Variants in COL4A2 observed in about 807,000 individuals in gnomAD.
COL4A2 encodes collagen type IV alpha 2 chain.
A neutral mutation model predicts 200.2 loss-of-function variants in COL4A2; 99 were observed. The observed-to-expected ratio is 0.49, with a 90% confidence interval of 0.42 to 0.58. The LOEUF is 0.58. COL4A2 is among the 20% of genes least tolerant of loss of function. The pLI, the probability that COL4A2 is intolerant of heterozygous loss-of-function variation, is 0.00. For synonymous variants in COL4A2, 897 were observed against 900.6 expected (o/e 1.00, Z 0.07); for missense variants, 1,950 against 2,314.1 (o/e 0.84, Z 3.23).
chr13:110,458,038 C>A, intron 21 of COL4A2: 1 of 442,710 alleles, frequency 2.3e-6, no homozygotes, highest in Non-Finnish European at 4.7e-6. Flanking sequence ...GCAGGCTGTG[C>A]TCCTGCTCAC....
At chr13:110,471,185 G>T (rs1318383686) in intron 28 of COL4A2, among the ~76,000 whole-genome samples, 1 of 152,212 alleles carries the variant, frequency 6.6e-6, no homozygotes, top group African/African-American at 2.4e-5. Flanking sequence ...AAGTTCTCTG[G>T]TAATTGTGAT....
intron 29 of COL4A2, among the ~76,000 whole-genome samples, chr13:110,475,276 C>T (rs576732278): frequency 6.6e-6 from 1 of 152,332 alleles, no homozygotes; most frequent in East Asian, 1.9e-4. Context: ...AAACTGAGGA[C>T]TCGGCGCTGA....
At chr13:110,510,399 GT>G (rs1222972486) in intron 47 of COL4A2, among the ~76,000 whole-genome samples, 1 of 152,186 alleles carries the variant, frequency 6.6e-6, no homozygotes, top group African/African-American at 2.4e-5. Flanking sequence ...CGTTATTTTA[GT>G]TCCTCTTTTT....
rs186393865 is a variant in COL4A2, at chr13:110,471,088, T to C, written c.2203+1764T>C. ...ATTTAGAAGTGTAACATTGCCACTC[T>C]CATGATTTCATATATACTAAGTTTA... is the stretch of plus-strand genomic sequence containing the variant. On this transcript the variant is annotated intron_variant, in intron 28 of 47. Transcript: ENST00000360467. Among the ~76,000 whole-genome samples the C allele has an allele frequency of 7.4e-3, 1,125 of 152,352 alleles. 10 individuals carry two copies. Among genetic ancestry groups the C allele is most frequent in the Non-Finnish European group, 0.01 (684 of 68,036 alleles).
At chr13:110,350,373 T>C (rs1876902480) in intron 3 of COL4A2, among the ~76,000 whole-genome samples, 1 of 152,198 alleles carries the variant, frequency 6.6e-6, no homozygotes, top group Non-Finnish European at 1.5e-5. Context: ...AAGGATATTT[T>C]GAATTTTAAA....
intron 40 of COL4A2, among the ~76,000 whole-genome samples, chr13:110,499,929 C>T (rs1439530087): frequency 6.6e-6 from 1 of 152,242 alleles, no homozygotes; most frequent in Non-Finnish European, 1.5e-5. Context: ...GTGACAATAG[C>T]TAGAAGCAGT....
intron 3 of COL4A2, among the ~76,000 whole-genome samples, chr13:110,312,098 T>A (rs927606245): frequency 6.6e-6 from 1 of 152,218 alleles, no homozygotes; most frequent in African/African-American, 2.4e-5. Flanking sequence ...TGAAGCGCTA[T>A]TGCTCAAAAC....
At chr13:110,366,115 C>T (rs562295291) in intron 4 of COL4A2, among the ~76,000 whole-genome samples, 14 of 152,226 alleles carry the variant, frequency 9.2e-5, no homozygotes, top group Non-Finnish European at 1.8e-4. Context: ...GCATTTCCCC[C>T]TCTCTGCTAG....
At chr13:110,368,289 G>T (rs1027092044) in intron 4 of COL4A2, among the ~76,000 whole-genome samples, 1 of 152,108 alleles carries the variant, frequency 6.6e-6, no homozygotes, top group Non-Finnish European at 1.5e-5. Context: ...ATTCACAAAG[G>T]CCTCAAGTCA....
chr13:110,457,730 A>G, intron 21 of COL4A2: 2 of 557,940 alleles, frequency 3.6e-6, no homozygotes, highest in Non-Finnish European at 7.1e-6. Flanking sequence ...CTGGGTTAAA[A>G]GGGAAAACAG....
At chr13:110,504,863 C>T (rs1883787337) in intron 45 of COL4A2, among the ~76,000 whole-genome samples, 2 of 152,020 alleles carry the variant, frequency 1.3e-5, no homozygotes, top group African/African-American at 4.8e-5. Flanking sequence ...CAGCCTTGGC[C>T]TCCCAAAGTG....
At chr13:110,403,098 TCCTC>T (rs34802628) in intron 4 of COL4A2, among the ~76,000 whole-genome samples, 88,970 of 151,520 alleles carry the variant, frequency 0.59, 26,679 homozygotes, top group Non-Finnish European at 0.66. Context: ...CGGAGGTCCT[TCCTC>T]AGTTGTCTTG....
rs560542272 is a variant in COL4A2, at chr13:110,308,838, C to T, written c.99+715C>T. The stretch of plus-strand genomic sequence containing the variant: ...ATACGTTTTGTTTAAAGAGTAGGAG[C>T]CACTTTTACTGAGCTTTATGTAACC... On this transcript the variant is annotated intron_variant, in intron 3 of 47. Coordinates refer to ENST00000360467, the MANE Select transcript of COL4A2 (RefSeq NM_001846.4). Among the ~76,000 whole-genome samples, 10 of 152,272 alleles carry T rather than the reference C, an allele frequency of 6.6e-5. No individual in the cohort carries two copies. The South Asian group carries it at 2.1e-3, about 32-fold the overall frequency.
At chr13:110,438,580 C>T (rs1880993636) in intron 14 of COL4A2, 38 bp from the exon 15 acceptor site, 1 of 1,613,908 alleles carries the variant, frequency 6.2e-7, no homozygotes. Context: ...AGGGGCCGCC[C>T]CTGGGTTGCT....
chr13:110,368,018 G>A (rs918189168), intron 4 of COL4A2, among the ~76,000 whole-genome samples: 1 of 152,208 alleles, frequency 6.6e-6, no homozygotes, highest in Non-Finnish European at 1.5e-5. Context: ...TGCACTTGAA[G>A]GCCTTGGGGT....
chr13:110,446,893 C>G, intron 18 of COL4A2, 29 bp downstream of exon 18: 1 of 1,585,202 alleles, frequency 6.3e-7, no homozygotes, highest in Non-Finnish European at 8.6e-7. Context: ...CTGCATAGTT[C>G]AGCATCGCAT....
intron 29 of COL4A2, among the ~76,000 whole-genome samples, chr13:110,474,643 T>C (rs1882607993): frequency 6.6e-6 from 1 of 152,046 alleles, no homozygotes; most frequent in South Asian, 2.1e-4. Context: ...CCTACACACG[T>C]GCCTATGCAT....
chr13:110,415,825 C>T (rs60429251), intron 4 of COL4A2, among the ~76,000 whole-genome samples: 3,264 of 152,316 alleles, frequency 0.021, 63 homozygotes, highest in African/African-American at 0.059. Flanking sequence ...GCAGACTCTG[C>T]AGGGCTGTTA....
At chr13:110,340,163 G>T (rs1876384859) in intron 3 of COL4A2, among the ~76,000 whole-genome samples, 1 of 152,102 alleles carries the variant, frequency 6.6e-6, no homozygotes, top group Non-Finnish European at 1.5e-5. Flanking sequence ...TTGTTCTGTT[G>T]CCCAGGTTGG....
Sources: gnomAD v4.1 joint callset for allele counts (sites outside exome capture counted in the v4.1 genomes callset) on GRCh38, gnomAD v4.1.1 for gene constraint, MANE v1.5 for transcripts, NCBI Gene and HGNC (gene_info 2026-07-23, HGNC 2026-07-21) for gene names.